The following DIAPH2 variants were observed in gnomAD, a reference collection of about 807,000 sequenced individuals.
DIAPH2 encodes protein diaphanous homolog 2.
A neutral mutation model predicts 92.7 loss-of-function variants in DIAPH2; 35 were observed. The ratio of observed to expected loss-of-function variants is 0.38; its 90% CI spans 0.29 to 0.50. The LOEUF is 0.50. Ranked by LOEUF, DIAPH2 falls within the 20% of genes least tolerant of loss-of-function variation. DIAPH2 has a pLI of 0.94. For synonymous variants in DIAPH2, 301 were observed against 280.4 expected (o/e 1.07, Z -0.73); for missense variants, 701 against 819.5 (o/e 0.86, Z 1.77).
intron 23 of DIAPH2, among the ~76,000 whole-genome samples, chrX:97,319,789 C>T (rs2068875358): frequency 9.1e-6 from 1 of 110,107 alleles, no homozygotes; most frequent in South Asian, 4.0e-4. Context: ...ATAGATGGGA[C>T]ATGATAAATA....
At chrX:97,344,233 T>TA (rs949880988) in intron 23 of DIAPH2, among the ~76,000 whole-genome samples, 3 of 110,926 alleles carry the variant, frequency 2.7e-5, no homozygotes, top group Admixed American at 1.9e-4. Flanking sequence ...TTTAGTGGCT[T>TA]AAAAAACAAA....
At chrX:97,229,912 T>A (rs768680543) in intron 22 of DIAPH2, among the ~76,000 whole-genome samples, 1 of 106,435 alleles carries the variant, frequency 9.4e-6, no homozygotes, top group East Asian at 2.9e-4. Context: ...TAACAATATA[T>A]AAGATTTCAG....
chrX:96,725,099 A>G (rs774165157), intron 1 of DIAPH2, among the ~76,000 whole-genome samples: 2 of 112,261 alleles, frequency 1.8e-5, no homozygotes, highest in East Asian at 5.5e-4. Flanking sequence ...AACAGATACA[A>G]GTGTTGCTTT....
At chrX:96,883,052 A>G (rs1210849031) in intron 5 of DIAPH2, among the ~76,000 whole-genome samples, 2 of 109,184 alleles carry the variant, frequency 1.8e-5, no homozygotes, top group Non-Finnish European at 3.8e-5. Flanking sequence ...TTACTCCATA[A>G]GAGTATATAA....
At chrX:97,506,138 CTTTTTTTT>C (rs11385451) in intron 26 of DIAPH2, among the ~76,000 whole-genome samples, 1 of 28,108 alleles carries the variant, frequency 3.6e-5, no homozygotes, top group Non-Finnish European at 5.7e-5. Flanking sequence ...TATCTAGTGC[CTTTTTTTT>C]TTTTTTTTTT....
At chrX:97,272,811 A>G (rs1375424613) in intron 23 of DIAPH2, among the ~76,000 whole-genome samples, 1 of 112,615 alleles carries the variant, frequency 8.9e-6, no homozygotes, top group East Asian at 2.8e-4. Flanking sequence ...AATAAAAGGC[A>G]GTATTCACTG....
chrX:97,389,415 G>A (rs1249231448), intron 25 of DIAPH2, among the ~76,000 whole-genome samples: 2 of 100,506 alleles, frequency 2.0e-5, no homozygotes, highest in East Asian at 3.1e-4. Flanking sequence ...GCAGTGAGCC[G>A]AGATCACGCC....
rs192345104 is a variant in DIAPH2 at position 97,122,991 on chromosome X, A to C, written c.2589+8026A>C. Among the ~76,000 whole-genome samples the C allele has an allele frequency of 2.7e-5, 3 of 112,003 alleles. No individual in the cohort carries two copies. The Admixed American group carries it at 2.8e-4, about 11-fold the overall frequency. ...TGACATGCTGTACCATTTGTTCATAATTCATTACCAGTGGATACAAACATT... is the reference window on the plus strand; with the variant it reads ...TGACATGCTGTACCATTTGTTCATACTTCATTACCAGTGGATACAAACATT... On this transcript the variant is annotated intron_variant, in intron 21 of 26. Transcript: ENST00000324765.
intron 26 of DIAPH2, among the ~76,000 whole-genome samples, chrX:97,593,437 G>A (rs1413328545): frequency 2.7e-5 from 3 of 109,313 alleles, no homozygotes; most frequent in Admixed American, 9.8e-5. Context: ...ACCTGACATT[G>A]TACAACAAAA....
At chrX:96,814,430 C>G (rs753849837) in intron 4 of DIAPH2, among the ~76,000 whole-genome samples, 15 of 111,570 alleles carry the variant, frequency 1.3e-4, no homozygotes, top group Non-Finnish European at 2.4e-4. Flanking sequence ...TTTGTCTAAT[C>G]TTTTTTCTAG....
chrX:97,527,497 A>G (rs2071032244), intron 26 of DIAPH2, among the ~76,000 whole-genome samples: 1 of 112,013 alleles, frequency 8.9e-6, no homozygotes, highest in African/African-American at 3.2e-5. Flanking sequence ...AATCCTGATT[A>G]CCCAAGTGGG....
At chrX:97,408,689 A>G (rs1027826645) in intron 25 of DIAPH2, among the ~76,000 whole-genome samples, 2 of 112,026 alleles carry the variant, frequency 1.8e-5, no homozygotes, top group African/African-American at 6.5e-5. Flanking sequence ...AAGTATATTT[A>G]TGTGGTAGTC....
chrX:97,518,001 G>T (rs2070962149), intron 26 of DIAPH2, among the ~76,000 whole-genome samples: 1 of 112,224 alleles, frequency 8.9e-6, no homozygotes. Flanking sequence ...GCAAAATCAG[G>T]TGGCTCTGAA....
At chrX:96,973,127 T>C (rs938241737) in intron 17 of DIAPH2, among the ~76,000 whole-genome samples, 1 of 111,954 alleles carries the variant, frequency 8.9e-6, no homozygotes, top group African/African-American at 3.3e-5. Flanking sequence ...AAATATACAG[T>C]TGGCGTCTCA....
chrX:97,084,024 C>T (rs2066766131), intron 19 of DIAPH2, among the ~76,000 whole-genome samples: 2 of 110,905 alleles, frequency 1.8e-5, no homozygotes, highest in South Asian at 7.6e-4. Context: ...TTTTCCTTTA[C>T]CACATAGTAT....
chrX:97,188,904 C>T lies in DIAPH2; in HGVS notation c.2719+47110C>T, dbSNP rs755387361. ...AAATGTTTGTGGCTTTTGCATCTCA[C>T]ATTTCTTGCTTTAGAAGTGCTACTG... On this transcript the variant is annotated intron_variant, in intron 22 of 26. Coordinates refer to ENST00000324765, the MANE Select transcript of DIAPH2 (RefSeq NM_006729.5). Among the ~76,000 whole-genome samples the T allele has an allele frequency of 1.1e-4, 12 of 112,333 alleles. No homozygotes were observed. In the South Asian group the frequency reaches 4.4e-3, roughly 41 times the overall value.
chrX:96,748,301 A>G (rs1009844429), intron 3 of DIAPH2, among the ~76,000 whole-genome samples: 2 of 111,953 alleles, frequency 1.8e-5, no homozygotes, highest in East Asian at 5.6e-4. Context: ...GTAAAGATGA[A>G]TGCAACACCT....
At chrX:96,855,321 A>G (rs1003346784) in intron 4 of DIAPH2, among the ~76,000 whole-genome samples, 1 of 111,024 alleles carries the variant, frequency 9.0e-6, no homozygotes, top group African/African-American at 3.3e-5. Context: ...AAAAACTCAA[A>G]CATTCCTAAC....
chrX:97,589,004 T>C (rs1195531871), intron 26 of DIAPH2, among the ~76,000 whole-genome samples: 14 of 67,900 alleles, frequency 2.1e-4, no homozygotes, highest in African/African-American at 6.6e-4. Context: ...GAAATATATA[T>C]ATATATATAT....
Sources: gnomAD v4.1 joint callset for allele counts (sites outside exome capture counted in the v4.1 genomes callset) on GRCh38, gnomAD v4.1.1 for gene constraint, MANE v1.5 for transcripts, NCBI Gene and HGNC (gene_info 2026-07-23, HGNC 2026-07-21) for gene names.